The following RALY variants were observed in gnomAD, a reference collection of about 807,000 sequenced individuals.
RALY encodes the protein RALY heterogeneous nuclear ribonucleoprotein.
Under a neutral mutation model 30.7 loss-of-function variants are expected in RALY, and 15 were observed. The observed-to-expected ratio is 0.49, with a 90% CI of 0.33 to 0.75. The LOEUF is 0.75. RALY is among the 30% of genes least tolerant of loss of function. RALY has a pLI of 0.02. For synonymous variants in RALY, 177 were observed against 170.8 expected (o/e 1.04, Z -0.28); for missense variants, 339 against 414.3 (o/e 0.82, Z 1.58).
chr20:34,056,297 T>TCATC lies in RALY; in HGVS notation c.-9-15767_-9-15764dup, dbSNP rs2033240942. On this transcript the variant is annotated intron_variant, in intron 2 of 9. Transcript: ENST00000246194. Reference sequence around the variant, plus strand: ...TACCTGTGTGTGGGTTAACTTCAACTCATCCTTCAGGACAAGATTGGAACT... The same window carrying TCATC: ...TACCTGTGTGTGGGTTAACTTCAACTCATCCATCCTTCAGGACAAGATTGGAACT... 2.0e-5 allele frequency among the ~76,000 whole-genome samples: 3 copies of TCATC among 152,218 alleles called. No individual in the cohort carries two copies. The South Asian group carries it at 6.2e-4, about 31-fold the overall frequency.
rs2034045780 is a variant in RALY, at chr20:34,082,514, G to T, written c.*2609G>T. 6.6e-6 allele frequency: 1 copy of T among 152,246 alleles called. No homozygotes were observed. The highest frequency in any genetic ancestry group is 2.4e-5 in the African/African-American group (1 of 41,452). 9.4% of individuals were successfully genotyped at this position (152,246 alleles called of 1,614,324 possible). A position where few individuals can be genotyped will look rare whatever the true frequency, so the allele number is the denominator to read the frequency against. On this transcript the variant is annotated 3_prime_UTR_variant, in exon 10 of 10. Transcript: ENST00000246194. ...GACCATAGGCTTCCTTAGTATGCCAGGCTTGGAGAACCGTGAGAAAAGCAG... is the reference window on the plus strand; with the variant it reads ...GACCATAGGCTTCCTTAGTATGCCATGCTTGGAGAACCGTGAGAAAAGCAG...
intron 1 of RALY, among the ~76,000 whole-genome samples, chr20:34,011,863 C>G (rs1448834836): frequency 6.6e-6 from 1 of 151,980 alleles, no homozygotes; most frequent in East Asian, 1.9e-4. Flanking sequence ...GTCAGGAGTT[C>G]AAGACTAGCC....
chr20:34,044,328 T>C (rs1229086281), intron 2 of RALY, among the ~76,000 whole-genome samples: 1 of 144,968 alleles, frequency 6.9e-6, no homozygotes, highest in East Asian at 2.0e-4. Context: ...TGTGCGTTAC[T>C]TTTTTTTTTT....
chr20:34,058,536 T>C (rs1252228168), intron 2 of RALY, among the ~76,000 whole-genome samples: 1 of 152,162 alleles, frequency 6.6e-6, no homozygotes, highest in African/African-American at 2.4e-5. Context: ...AAAGGTGATT[T>C]TGAACTTGAG....
Position 34,080,842 on chromosome 20 carries a change from C to T in RALY, c.*937C>T, listed in dbSNP as rs1359646945. 1 of 152,418 alleles carries T rather than the reference C, an allele frequency of 6.6e-6. No homozygotes were observed. The highest frequency in any genetic ancestry group is 2.4e-5 in the African/African-American group (1 of 41,446). 9.4% of individuals were successfully genotyped at this position (152,418 alleles called of 1,614,324 possible). On this transcript the variant is annotated 3_prime_UTR_variant, in exon 10 of 10. Coordinates refer to ENST00000246194, the MANE Select transcript of RALY (RefSeq NM_016732.3). ...ACCCCTTTCCTGCCCCTGACACAAA[C>T]CCTACATCTCAGTCTCACAAAACAC...
At chr20:34,060,114 C>CT (rs2033372691) in intron 2 of RALY, among the ~76,000 whole-genome samples, 1 of 152,262 alleles carries the variant, frequency 6.6e-6, no homozygotes, top group African/African-American at 2.4e-5. Context: ...CTTGAAGAGA[C>CT]TTTATCGCAT....
At chr20:34,025,124 G>T (rs555055519) in intron 1 of RALY, among the ~76,000 whole-genome samples, 1 of 152,190 alleles carries the variant, frequency 6.6e-6, no homozygotes, top group Non-Finnish European at 1.5e-5. Flanking sequence ...GCAGAAATGC[G>T]TTGGAGGCTG....
At chr20:34,045,411 TA>T (rs961369308) in intron 2 of RALY, among the ~76,000 whole-genome samples, 6 of 152,076 alleles carry the variant, frequency 3.9e-5, no homozygotes, top group African/African-American at 1.4e-4. Flanking sequence ...GTTTGTAGAA[TA>T]ATTAGAAGGC....
intron 2 of RALY, among the ~76,000 whole-genome samples, chr20:34,044,734 G>T (rs1275603064): frequency 6.6e-6 from 1 of 152,214 alleles, no homozygotes; most frequent in African/African-American, 2.4e-5. Flanking sequence ...TGGAGCTCCT[G>T]AGATGTTCCC....
intron 3 of RALY, 52 bp from the exon 4 acceptor site, chr20:34,073,511 G>A (rs2033790157): frequency 6.7e-7 from 1 of 1,491,268 alleles, no homozygotes; most frequent in Admixed American, 1.7e-5. Context: ...GTTGATGTGT[G>A]TGGGCACACT....
At chr20:34,048,283 A>G (rs576952179) in intron 2 of RALY, among the ~76,000 whole-genome samples, 35 of 152,198 alleles carry the variant, frequency 2.3e-4, no homozygotes, top group Non-Finnish European at 4.6e-4. Flanking sequence ...GGCTCCTGAC[A>G]GCAGAGTCGT....
At chr20:34,001,799 C>A (rs974482559) in intron 1 of RALY, among the ~76,000 whole-genome samples, 12 of 152,084 alleles carry the variant, frequency 7.9e-5, no homozygotes, top group African/African-American at 2.9e-4. Flanking sequence ...CGGAGTCTCG[C>A]TCTGTTGCTC....
intron 1 of RALY, among the ~76,000 whole-genome samples, chr20:34,010,616 G>A (rs1601408800): frequency 6.6e-6 from 1 of 152,158 alleles, no homozygotes; most frequent in South Asian, 2.1e-4. Flanking sequence ...ACATCATCCA[G>A]TATGTGGAGT....
rs139264373 is a variant in RALY, at chr20:34,073,435, A to G, written c.257-128A>G. The G allele has an allele frequency of 1.4e-4, 115 of 824,754 alleles. No homozygotes were observed. In the East Asian group the frequency reaches 2.9e-3, roughly 21 times the overall value. The allele number at this position is 824,754 out of a possible 1,614,324, so 51.1% of individuals were successfully genotyped here. The stretch of plus-strand genomic sequence containing the variant: ...TAGATGTATGAAGACCTTTGTTGGC[A>G]CCATCAGTGAGCAGAATCCATGTGT... On this transcript the variant is annotated intron_variant, in intron 3 of 9. Transcript: ENST00000246194.
chr20:34,069,045 C>T (rs139399136), intron 2 of RALY, among the ~76,000 whole-genome samples: 1 of 152,340 alleles, frequency 6.6e-6, no homozygotes, highest in African/African-American at 2.4e-5. Flanking sequence ...CCCAGAGCAG[C>T]ATTTGCAACC....
rs568317161 is a variant in RALY at position 34,012,047 on chromosome 20, C to T, written c.-93+17916C>T. On this transcript the variant is annotated intron_variant, in intron 1 of 9. Transcript: ENST00000246194. ...CGCCACTGCACTTCAGCCTGGGCGACAGAGTGAGACCCTGTCTCAAAAAAA... is the reference window on the plus strand; with the variant it reads ...CGCCACTGCACTTCAGCCTGGGCGATAGAGTGAGACCCTGTCTCAAAAAAA... Among the ~76,000 whole-genome samples, 6 of 146,562 alleles carry T rather than the reference C, an allele frequency of 4.1e-5. No individual in the cohort carries two copies. In the East Asian group the frequency reaches 1.2e-3, roughly 29 times the overall value.
chr20:34,048,716 C>T (rs546753590), intron 2 of RALY, among the ~76,000 whole-genome samples: 1 of 152,018 alleles, frequency 6.6e-6, no homozygotes, highest in African/African-American at 2.4e-5. Flanking sequence ...ATTAGCCGGG[C>T]GTGGTGGCGG....
chr20:34,059,938 C>T (rs567297550), intron 2 of RALY, among the ~76,000 whole-genome samples: 37 of 152,316 alleles, frequency 2.4e-4, no homozygotes, highest in African/African-American at 8.7e-4. Context: ...CTTTGCTTAG[C>T]GTCCTCTTCC....
chr20:34,061,188 G>GC (rs1158562021), intron 2 of RALY, among the ~76,000 whole-genome samples: 1 of 152,122 alleles, frequency 6.6e-6, no homozygotes, highest in Admixed American at 6.5e-5. Context: ...AGTGGTTCCA[G>GC]CCCCCCATTA....
Sources: gnomAD v4.1 joint callset for allele counts (sites outside exome capture counted in the v4.1 genomes callset) on GRCh38, gnomAD v4.1.1 for gene constraint, MANE v1.5 for transcripts, NCBI Gene and HGNC (gene_info 2026-07-23, HGNC 2026-07-21) for gene names.